Variants in GLT1D1 observed in about 807,000 individuals in gnomAD.
The protein encoded by GLT1D1 is glycosyltransferase 1 domain containing 1.
A neutral mutation model predicts 28.7 loss-of-function variants in GLT1D1; 21 were observed. The ratio of observed to expected loss-of-function variants is 0.73; its 90% CI spans 0.52 to 1.05. The LOEUF (loss-of-function observed/expected upper bound fraction) is 1.05, where lower values mean the gene tolerates loss of function less well. Among genes scored for constraint, GLT1D1 ranks in the 50% least tolerant of loss-of-function variants. The pLI is 0.00. For synonymous variants in GLT1D1, 147 were observed against 124.8 expected (o/e 1.18, Z -1.19); for missense variants, 343 against 330.6 (o/e 1.04, Z -0.29).
intron 4 of GLT1D1, among the ~76,000 whole-genome samples, chr12:128,900,811 T>C (rs1870168066): frequency 6.6e-6 from 1 of 152,088 alleles, no homozygotes; most frequent in African/African-American, 2.4e-5. Context: ...AATTTTTGTA[T>C]TTTTAGTAGG....
intron 2 of GLT1D1, among the ~76,000 whole-genome samples, chr12:128,886,983 G>A (rs144524766): frequency 1.3e-5 from 2 of 151,838 alleles, no homozygotes; most frequent in East Asian, 3.9e-4. Context: ...AAATGTTACA[G>A]AGTGAAAAGT....
At chr12:128,918,992 A>G (rs1423632060) in intron 4 of GLT1D1, among the ~76,000 whole-genome samples, 1 of 152,254 alleles carries the variant, frequency 6.6e-6, no homozygotes, top group African/African-American at 2.4e-5. Context: ...TGTATTCAGA[A>G]TATATGGGCT....
chr12:128,957,788 C>A, intron 7 of GLT1D1, 145 bp downstream of exon 11: 1 of 584,598 alleles, frequency 1.7e-6, no homozygotes, highest in Non-Finnish European at 3.1e-6. Context: ...CTGTTATCAC[C>A]TGGGCAGCTG....
chr12:128,956,171 A>AAAAAAAAAAAAAAAAAAAAAAAAGAGAG (rs374597920), intron 6 of GLT1D1, among the ~76,000 whole-genome samples: 2 of 63,988 alleles, frequency 3.1e-5, no homozygotes, highest in African/African-American at 4.5e-5. Flanking sequence ...AAAAAAAAAA[A>AAAAAAAAAAAAAAAAAAAAAAAAGAGAG]AGAGAAAGAG....
At chr12:128,966,387 C>G (rs970329891) in intron 7 of GLT1D1, among the ~76,000 whole-genome samples, 10 of 152,222 alleles carry the variant, frequency 6.6e-5, no homozygotes, top group Non-Finnish European at 1.0e-4. Flanking sequence ...TCTGCGGCCA[C>G]GTGGGCATCT....
intron 7 of GLT1D1, among the ~76,000 whole-genome samples, chr12:128,963,224 G>A (rs1450597033): frequency 6.6e-6 from 1 of 152,216 alleles, no homozygotes; most frequent in Non-Finnish European, 1.5e-5. Context: ...CTGGCCATCA[G>A]TGTCCTCCTC....
intron 1 of GLT1D1, among the ~76,000 whole-genome samples, chr12:128,870,300 C>A (rs1416041869): frequency 6.6e-6 from 1 of 152,108 alleles, no homozygotes; most frequent in African/African-American, 2.4e-5. Flanking sequence ...AACCAAAACA[C>A]AGAAATGACC....
chr12:128,898,605 C>T (rs986470086), intron 3 of GLT1D1, among the ~76,000 whole-genome samples: 2 of 152,218 alleles, frequency 1.3e-5, no homozygotes, highest in African/African-American at 2.4e-5. Flanking sequence ...GATTTTGTCA[C>T]GTAATTTGGT....
At chr12:128,878,295 A>G (rs1956921660) in intron 2 of GLT1D1, among the ~76,000 whole-genome samples, 1 of 152,196 alleles carries the variant, frequency 6.6e-6, no homozygotes. Flanking sequence ...TCAGCCACAC[A>G]TCTGGGAACT....
At chr12:128,930,807 C>T (rs933887581) in intron 4 of GLT1D1, among the ~76,000 whole-genome samples, 12 of 152,266 alleles carry the variant, frequency 7.9e-5, no homozygotes, top group Admixed American at 6.5e-5. Context: ...GAACAAAGGA[C>T]GCTGCCTGGA....
chr12:128,910,806 G>A (rs1490744504), intron 4 of GLT1D1, among the ~76,000 whole-genome samples: 1 of 151,978 alleles, frequency 6.6e-6, no homozygotes. Flanking sequence ...CTGCTTGCAC[G>A]ATGAAGTGGG....
chr12:128,859,154 G>A (rs10847704), intron 1 of GLT1D1, among the ~76,000 whole-genome samples: 1 of 152,068 alleles, frequency 6.6e-6, no homozygotes, highest in Admixed American at 6.5e-5. Flanking sequence ...ACTCATATTT[G>A]GCTCAGAATA....
chr12:128,884,539 G>T (rs60924083), intron 2 of GLT1D1, among the ~76,000 whole-genome samples: 1 of 152,062 alleles, frequency 6.6e-6, no homozygotes, highest in Non-Finnish European at 1.5e-5. Context: ...GAGGGGCCAG[G>T]CATGGTGGCT....
At chr12:128,909,462 G>A (rs2080603084) in intron 4 of GLT1D1, among the ~76,000 whole-genome samples, 1 of 152,044 alleles carries the variant, frequency 6.6e-6, no homozygotes, top group Non-Finnish European at 1.5e-5. Flanking sequence ...TTATATGTAT[G>A]GGCCATCATT....
At chr12:128,870,178 C>T (rs73438342) in intron 1 of GLT1D1, among the ~76,000 whole-genome samples, 4,173 of 152,042 alleles carry the variant, frequency 0.027, 191 homozygotes, top group African/African-American at 0.094. Context: ...GTTGGGATTA[C>T]GGTCACTCCA....
chr12:128,863,977 G>C (rs1189484140), intron 1 of GLT1D1, among the ~76,000 whole-genome samples: 2 of 145,204 alleles, frequency 1.4e-5, no homozygotes, highest in East Asian at 4.1e-4. Flanking sequence ...AAAGTGTATA[G>C]ATCTGAATAC....
At chr12:128,929,700 G>A (rs893677197) in intron 4 of GLT1D1, among the ~76,000 whole-genome samples, 2 of 152,142 alleles carry the variant, frequency 1.3e-5, no homozygotes, top group African/African-American at 4.8e-5. Flanking sequence ...GGTGGCTCAG[G>A]CCTGTAATCC....
chr12:128,934,169 T>C (rs959340241), intron 4 of GLT1D1, among the ~76,000 whole-genome samples: 1 of 151,466 alleles, frequency 6.6e-6, no homozygotes, highest in African/African-American at 2.4e-5. Context: ...CAAAACCACA[T>C]TGACTTACTG....
At chr12:128,888,105 T>C (rs1868605465) in intron 2 of GLT1D1, among the ~76,000 whole-genome samples, 1 of 152,218 alleles carries the variant, frequency 6.6e-6, no homozygotes, top group Non-Finnish European at 1.5e-5. Context: ...CTCAGCATCT[T>C]GTGTTATTTT....
Sources: gnomAD v4.1 joint callset for allele counts (sites outside exome capture counted in the v4.1 genomes callset) on GRCh38, gnomAD v4.1.1 for gene constraint, MANE v1.5 for transcripts, NCBI Gene and HGNC (gene_info 2026-07-23, HGNC 2026-07-21) for gene names.